PIBF1: variants seen among roughly 807,000 people sequenced by gnomAD.
PIBF1 encodes the protein progesterone immunomodulatory binding factor 1, also known as progesterone-induced-blocking factor 1.
PIBF1 carries 90 observed loss-of-function variants against 112.5 expected under a neutral mutation model. The ratio of observed to expected loss-of-function variants is 0.80; its 90% CI spans 0.67 to 0.95. The LOEUF (loss-of-function observed/expected upper bound fraction) is 0.95. Among genes scored for constraint, PIBF1 ranks in the 40% least tolerant of loss-of-function variants. The pLI is 0.00. For synonymous variants in PIBF1, 301 were observed against 288.6 expected, an observed-to-expected ratio of 1.04 and a Z score of -0.44; for missense variants, 915 against 852.3, an observed-to-expected ratio of 1.07 and a Z score of -0.92.
At chr13:72,815,203 A>G (rs1246470500) in intron 5 of PIBF1, among the ~76,000 whole-genome samples, 6 of 152,248 alleles carry the variant, frequency 3.9e-5, no homozygotes, top group African/African-American at 1.4e-4. Flanking sequence ...ATGTTAAATG[A>G]ATTTTACCAT....
At chr13:72,985,276 C>T (rs556373790) in intron 16 of PIBF1, among the ~76,000 whole-genome samples, 1 of 149,892 alleles carries the variant, frequency 6.7e-6, no homozygotes, top group East Asian at 2.0e-4. Context: ...GCCTGTAATC[C>T]CAACACTTCG....
At position 72,854,078 on chromosome 13, in the gene PIBF1, T is replaced by G. The variant is rs199969096; in HGVS notation, c.1245T>G (p.Asp415Glu). 2.5e-6 allele frequency: 4 copies of G among 1,612,480 alleles called. No homozygotes were observed. The African/African-American group carries it at 5.3e-5, about 22-fold the overall frequency. Residue 415 changes from aspartate to glutamate, a missense_variant, in exon 10 of 18, where the codon GAT becomes GAG. Coordinates refer to ENST00000326291, the MANE Select transcript of PIBF1 (RefSeq NM_006346.4). Reference sequence around the variant, plus strand: ...TTAGAAATCTCCGAGAAGCAAGGGATAATGCTGTGGCTGAAAAGGAACGAG... The same window carrying G: ...TTAGAAATCTCCGAGAAGCAAGGGAGAATGCTGTGGCTGAAAAGGAACGAG... ...RENRNLREAR[D>E]NAVAEKERAV... is the part of the protein sequence containing the mutation.
chr13:72,832,537 C>T (rs551074327), intron 8 of PIBF1, among the ~76,000 whole-genome samples: 3 of 152,126 alleles, frequency 2.0e-5, no homozygotes, highest in Non-Finnish European at 4.4e-5. Flanking sequence ...CTTAGTTTGG[C>T]TGGATATGAA....
intron 10 of PIBF1, among the ~76,000 whole-genome samples, chr13:72,858,960 C>G (rs1039372561): frequency 1.3e-5 from 2 of 152,062 alleles, no homozygotes; most frequent in African/African-American, 4.8e-5. Context: ...ATAAATTATA[C>G]TCTAATAATT....
intron 10 of PIBF1, among the ~76,000 whole-genome samples, chr13:72,890,893 G>C (rs927426836): frequency 1.3e-5 from 2 of 152,042 alleles, no homozygotes; most frequent in Non-Finnish European, 2.9e-5. Context: ...ACTTACACAG[G>C]CTTAATAATT....
At chr13:72,821,691 T>C (rs910235162) in intron 5 of PIBF1, among the ~76,000 whole-genome samples, 158 bp from the exon 6 acceptor site, 1 of 152,216 alleles carries the variant, frequency 6.6e-6, no homozygotes, top group Admixed American at 6.5e-5. Context: ...TTACTTGCCT[T>C]TGAATAGGGA....
Position 72,782,220 on chromosome 13 carries a change from G to C in PIBF1, c.-177G>C, listed in dbSNP as rs2034291816. 5.0e-6 allele frequency: 1 copy of C among 199,718 alleles called. No homozygotes were observed. 12.4% of individuals were successfully genotyped at this position (199,718 alleles called of 1,614,324 possible). A position where few individuals can be genotyped will look rare whatever the true frequency, so the allele number is the denominator to read the frequency against. On this transcript the variant is annotated 5_prime_UTR_variant, in exon 1 of 18. Transcript: ENST00000326291. The stretch of plus-strand genomic sequence containing the variant: ...GTTGTCTTGGTTACGGGTCCTAACG[G>C]TCCCCTGCCTTGAAATCCCTTGTTG...
chr13:72,917,418 T>G (rs1463583901), intron 13 of PIBF1, among the ~76,000 whole-genome samples: 1 of 152,210 alleles, frequency 6.6e-6, no homozygotes, highest in East Asian at 1.9e-4. Flanking sequence ...TGTTTTTATT[T>G]TCACATTAAT....
chr13:72,792,536 G>T lies in PIBF1; in HGVS notation c.342G>T (p.Gln114His). 6.6e-7 allele frequency: 1 copy of T among 1,511,490 alleles called. No homozygotes were observed. The highest frequency in any genetic ancestry group is 8.9e-7 in the Non-Finnish European group (1 of 1,124,848). The allele number at this position is 1,511,490 out of a possible 1,614,324, so 93.6% of individuals were successfully genotyped here. ...TAGACAACCAATTGGCTTTTCAACAGAAAGATGCCAGGTAAGAAAAGTTTT... is the reference window on the plus strand; with the variant it reads ...TAGACAACCAATTGGCTTTTCAACATAAAGATGCCAGGTAAGAAAAGTTTT... ...LRLDNQLAFQ[Q>H]KDASKYQELM... is the part of the protein sequence containing the mutation. Residue 114 changes from glutamine (Q) to histidine (H), a missense_variant, in exon 3 of 18, where the codon CAG (glutamine) becomes CAT (histidine). Coordinates refer to ENST00000326291, the MANE Select transcript of PIBF1 (RefSeq NM_006346.4).
intron 13 of PIBF1, among the ~76,000 whole-genome samples, chr13:72,928,525 C>T (rs1031765572): frequency 3.3e-5 from 5 of 152,244 alleles, no homozygotes; most frequent in South Asian, 4.1e-4. Context: ...TTGCAACCTC[C>T]GCCTCCCAGG....
chr13:72,882,058 C>A (rs1256042629), intron 10 of PIBF1, among the ~76,000 whole-genome samples: 1 of 151,852 alleles, frequency 6.6e-6, no homozygotes, highest in East Asian at 1.9e-4. Context: ...GCTATAGTAA[C>A]CAAAACAGCA....
chr13:72,885,506 T>A (rs2039814744), intron 10 of PIBF1, among the ~76,000 whole-genome samples: 1 of 152,192 alleles, frequency 6.6e-6, no homozygotes, highest in Non-Finnish European at 1.5e-5. Context: ...GAGTTAGTAA[T>A]ATTCTGGATA....
intron 13 of PIBF1, among the ~76,000 whole-genome samples, chr13:72,921,583 A>G (rs1458575590): frequency 1.3e-5 from 2 of 152,162 alleles, no homozygotes; most frequent in Non-Finnish European, 2.9e-5. Flanking sequence ...TTCTTATGTC[A>G]TTGGATATTC....
intron 6 of PIBF1, among the ~76,000 whole-genome samples, chr13:72,825,200 G>C (rs1351338576): frequency 1.3e-5 from 2 of 152,058 alleles, no homozygotes; most frequent in East Asian, 1.9e-4. Flanking sequence ...ATTCACAAAG[G>C]GTGTTTTGGG....
At chr13:72,899,082 T>C (rs1230314249) in intron 11 of PIBF1, among the ~76,000 whole-genome samples, 2 of 151,940 alleles carry the variant, frequency 1.3e-5, no homozygotes, top group African/African-American at 4.8e-5. Context: ...TCAAGAAGAA[T>C]TAGATACCCT....
intron 6 of PIBF1, among the ~76,000 whole-genome samples, chr13:72,824,627 C>T (rs1378985406): frequency 6.6e-6 from 1 of 151,940 alleles, no homozygotes; most frequent in Non-Finnish European, 1.5e-5. Context: ...GTAAGAATGA[C>T]CATTTTGTAG....
intron 14 of PIBF1, among the ~76,000 whole-genome samples, chr13:72,964,998 G>T (rs761751410): frequency 6.6e-6 from 1 of 152,078 alleles, no homozygotes. Flanking sequence ...GAAGGCGGAG[G>T]TTGCAGTGAG....
rs549762515 is a variant in PIBF1 at position 72,965,195 on chromosome 13, T to C, written c.1834-79T>C. 239 of 1,249,122 alleles carry C rather than the reference T, an allele frequency of 1.9e-4. No homozygotes were observed. The African/African-American group carries it at 3.2e-3, about 17-fold the overall frequency. 77.4% of individuals were successfully genotyped at this position (1,249,122 alleles called of 1,614,324 possible). A position where few individuals can be genotyped will look rare whatever the true frequency, so the allele number is the denominator to read the frequency against. On this transcript the variant is annotated intron_variant, in intron 14 of 17. Coordinates refer to ENST00000326291, the MANE Select transcript of PIBF1 (RefSeq NM_006346.4). ...TCATGTCAAAGGAATTTCTGTACTA[T>C]ATTTGTGCTAGAGCATTTTGAATGA...
At chr13:72,857,951 A>G (rs1052165605) in intron 10 of PIBF1, among the ~76,000 whole-genome samples, 35 of 152,082 alleles carry the variant, frequency 2.3e-4, no homozygotes, top group African/African-American at 8.0e-4. Flanking sequence ...TCTTAACATT[A>G]GTGGGAGTTT....
Sources: allele counts gnomAD v4.1 joint callset (sites outside exome capture counted in the v4.1 genomes callset), GRCh38; gene constraint gnomAD v4.1.1; transcripts MANE v1.5; gene names NCBI Gene and HGNC (gene_info 2026-07-23, HGNC 2026-07-21).